TBKBP1: variants seen among roughly 807,000 people sequenced by gnomAD.
TBKBP1 encodes TANK-binding kinase 1-binding protein 1.
Under a neutral mutation model 69.9 loss-of-function variants are expected in TBKBP1, and 47 were observed. That is an observed-to-expected ratio of 0.67 (90% CI 0.53 to 0.86). TBKBP1 has a LOEUF of 0.86. Ranked by LOEUF, TBKBP1 falls within the 40% of genes least tolerant of loss-of-function variation. The pLI, the probability that TBKBP1 is intolerant of heterozygous loss-of-function variation, is 0.00. For missense variants in TBKBP1, 831 were observed against 858.6 expected (o/e 0.97, Z 0.40); for synonymous variants, 418 against 390.3 (o/e 1.07, Z -0.84).
chr17:47,699,559 G>C, intron 6 of TBKBP1, 64 bp downstream of exon 6: 1 of 1,613,560 alleles, frequency 6.2e-7, no homozygotes, highest in Non-Finnish European at 8.5e-7. Context: ...ACTGTGTGCA[G>C]ACTGGCCCAG....
In TBKBP1 at chr17:47,710,382, A is replaced by G. The variant is rs139836482; in HGVS notation, c.1720-116A>G. 8.8e-4 allele frequency: 1,223 copies of G among 1,383,636 alleles called. 6 individuals are homozygous for G. The African/African-American group carries it at 0.017, about 19-fold the overall frequency. The allele number at this position is 1,383,636 out of a possible 1,614,324, so 85.7% of individuals were successfully genotyped here. A position where few individuals can be genotyped will look rare whatever the true frequency, so the allele number is the denominator to read the frequency against. On this transcript the variant is annotated intron_variant, in intron 9 of 9. Coordinates refer to ENST00000578982, the MANE Select transcript of TBKBP1 (RefSeq NM_001394755.1). ...ACGGTGCTGAAGAAAGGGTGGCTGG[A>G]CCCCTCCTGCATGCCACAGCCCTCC...
chr17:47,708,532 G>A lies in TBKBP1; in HGVS notation c.991+20G>A, dbSNP rs776527523. 57 of 1,611,914 alleles carry A rather than the reference G, an allele frequency of 3.5e-5. No homozygotes were observed. Among genetic ancestry groups the A allele is most frequent in the Non-Finnish European group, 4.8e-5 (56 of 1,178,588 alleles). ...GTGGCGGTGAGATGGGGCAGGGCAG[G>A]GGGAGGCAGCCGCGGGACCCGGGAA... On this transcript the variant is annotated intron_variant, in intron 8 of 9. Transcript: ENST00000578982. The surrounding 1 kb of genome is among the most constrained non-coding windows in gnomAD (Gnocchi z 4.4).
intron 7 of TBKBP1, among the ~76,000 whole-genome samples, chr17:47,706,826 TAG>T (rs2031712525): frequency 1.2e-5 from 1 of 86,860 alleles, no homozygotes; most frequent in African/African-American, 4.5e-5. Flanking sequence ...GGGTTAGACT[TAG>T]ACACACACAC....
chr17:47,703,780 T>A (rs944396301), intron 7 of TBKBP1, among the ~76,000 whole-genome samples: 2 of 149,490 alleles, frequency 1.3e-5, no homozygotes, highest in African/African-American at 5.0e-5. Context: ...CTATGCGAGG[T>A]GATTTACCTA....
In TBKBP1 at chr17:47,696,754, T is replaced by A. The variant is rs2031259919; in HGVS notation, c.269T>A (p.Leu90Gln). Residue 90 changes from leucine (L) to glutamine (Q), a missense_variant, in exon 3 of 10, where the codon CTG (leucine) becomes CAG (glutamine). By Grantham distance (113) the Leu-to-Gln change is moderately radical. Transcript: ENST00000578982. ...TTTGGAGAGGAGCATGGCTTTTCTC[T>A]GTATGAAATCAAGGATGGCTCCCTG... ...SDFGEEHGFS[L>Q]YEIKDGSLLE... 2 of 1,613,986 alleles carry A rather than the reference T, an allele frequency of 1.2e-6. No homozygotes were observed. Among genetic ancestry groups the A allele is most frequent in the African/African-American group, 1.3e-5 (1 of 75,052 alleles).
At chr17:47,700,309 T>TTTTTTTTTTTTTTTTTG in intron 7 of TBKBP1, among the ~76,000 whole-genome samples, 1 of 115,816 alleles carries the variant, frequency 8.6e-6, no homozygotes, top group Admixed American at 8.5e-5. Context: ...TTTTTTTTTT[T>TTTTTTTTTTTTTTTTTG]TTTTTTTGGA....
At chr17:47,696,966 C>G (rs895101029) in intron 3 of TBKBP1, 123 bp from the exon 4 acceptor site, 2 of 1,509,536 alleles carry the variant, frequency 1.3e-6, no homozygotes, top group African/African-American at 2.8e-5. Flanking sequence ...CTAAGCCCAG[C>G]TGCAGCTCCT....
intron 7 of TBKBP1, among the ~76,000 whole-genome samples, chr17:47,700,289 CTTTT>C (rs774797034): frequency 1.1e-3 from 47 of 41,454 alleles, no homozygotes; most frequent in African/African-American, 4.3e-3. Context: ...GCGCCCGGAC[CTTTT>C]TTTTTTTTTT....
rs971581123 is a variant in TBKBP1, at chr17:47,709,007, A to C, written c.1274A>C (p.Gln425Pro). ...GTGCCCCCCAGCTGCCCGGCCCCGCAGCCCCGGCCACCGCCGCCGCCCCCG... is the reference window on the plus strand; with the variant it reads ...GTGCCCCCCAGCTGCCCGGCCCCGCCGCCCCGGCCACCGCCGCCGCCCCCG... ...SPVPPSCPAP[Q>P]PRPPPPPPPG... is the part of the protein sequence containing the mutation. Residue 425 changes from glutamine to proline, a missense_variant, in exon 9 of 10, where the codon CAG (glutamine) becomes CCG (proline). Physicochemically the swap from Gln to Pro is moderately conservative, Grantham distance 76. Transcript: ENST00000578982. 2.6e-6 allele frequency: 3 copies of C among 1,159,870 alleles called. No homozygotes were observed. The highest frequency in any genetic ancestry group is 3.3e-5 in the African/African-American group (2 of 59,824). 71.8% of individuals were successfully genotyped at this position (1,159,870 alleles called of 1,614,324 possible).
intron 9 of TBKBP1, 103 bp downstream of exon 9, chr17:47,709,555 C>A: frequency 7.3e-7 from 1 of 1,376,164 alleles, no homozygotes; most frequent in African/African-American, 1.5e-5. Flanking sequence ...CGGGTGTCAG[C>A]GCACAAACTA....
chr17:47,708,532 G>T lies in TBKBP1; in HGVS notation c.991+20G>T, dbSNP rs776527523. The T allele has an allele frequency of 2.0e-5, 32 of 1,611,914 alleles. No homozygotes were observed. The highest frequency in any genetic ancestry group is 4.0e-5 in the African/African-American group (3 of 74,868). On this transcript the variant is annotated intron_variant, in intron 8 of 9. Coordinates refer to ENST00000578982, the MANE Select transcript of TBKBP1 (RefSeq NM_001394755.1). The surrounding 1 kb of genome is among the most constrained non-coding windows in gnomAD (Gnocchi z 4.4). The stretch of plus-strand genomic sequence containing the variant: ...GTGGCGGTGAGATGGGGCAGGGCAG[G>T]GGGAGGCAGCCGCGGGACCCGGGAA...
chr17:47,698,777 T>G lies in TBKBP1; in HGVS notation c.634+2T>G. 1 of 1,551,854 alleles carries G rather than the reference T, an allele frequency of 6.4e-7. No individual in the cohort carries two copies. On this transcript the variant is annotated splice_donor_variant, in intron 5 of 9. Transcript: ENST00000578982. LOFTEE classifies it high-confidence loss of function. ...GAGGGGGATCTGGCTTGAGTCATGG[T>G]GAGATCTCAGTGACCCCGACTTACC...
In TBKBP1 at chr17:47,696,804, C is replaced by T. The variant is rs2031263241; in HGVS notation, c.319C>T (p.Gln107Ter). ...SLLEVEKVSLQQRLNQFQHEL... is the reference protein window; with the variant it reads ...SLLEVEKVSL ...GCTGGAGGTGGAGAAGGTCAGCCTG[C>T]AGCAACGGCTCAACCAGTTCCAGCA... The change falls in exon 3 of 10, where the codon CAG becomes TAG. Residue 107 changes from glutamine to a stop codon, truncating the protein, a stop_gained. Coordinates refer to ENST00000578982, the MANE Select transcript of TBKBP1 (RefSeq NM_001394755.1). LOFTEE classifies it high-confidence loss of function. 6.2e-7 allele frequency: 1 copy of T among 1,613,912 alleles called. No individual in the cohort carries two copies. Among genetic ancestry groups the T allele is most frequent in the Non-Finnish European group, 8.5e-7 (1 of 1,179,826 alleles).
intron 7 of TBKBP1, among the ~76,000 whole-genome samples, chr17:47,706,657 G>T (rs1462332843): frequency 6.6e-6 from 1 of 152,140 alleles, no homozygotes; most frequent in African/African-American, 2.4e-5. Flanking sequence ...GGCCCAAGTG[G>T]GTTAAAAATA....
intron 7 of TBKBP1, among the ~76,000 whole-genome samples, chr17:47,704,371 G>A (rs2031625988): frequency 6.6e-6 from 1 of 152,222 alleles, no homozygotes; most frequent in Admixed American, 6.5e-5. Flanking sequence ...CCTCCTCCCC[G>A]CCGGCCCGCA....
At chr17:47,698,552 G>T in intron 4 of TBKBP1, 43 bp from the exon 5 acceptor site, 1 of 1,528,132 alleles carries the variant, frequency 6.5e-7, no homozygotes, top group East Asian at 2.5e-5. Context: ...ACATGGGGAA[G>T]TCCTGGGCCT....
At chr17:47,701,344 G>GAC (rs1331387113) in intron 7 of TBKBP1, among the ~76,000 whole-genome samples, 4 of 110,520 alleles carry the variant, frequency 3.6e-5, no homozygotes, top group South Asian at 3.0e-4. Context: ...GGAACACACA[G>GAC]ACACACACAG....
Position 47,696,114 on chromosome 17 carries a change from TG to T in TBKBP1, c.4del (p.Glu2?). 6.2e-7 allele frequency: 1 copy of T among 1,608,938 alleles called. No homozygotes were observed. Among genetic ancestry groups the T allele is most frequent in the Non-Finnish European group, 8.5e-7 (1 of 1,177,946 alleles). [M>X]ESMFEDDISI... ...GTGGGCCGCGGCCCGGCCCTCACCA[TG>T]GAGTCCATGTTCGAGGACGACATCA... On this transcript the variant is annotated frameshift_variant and start_lost, in exon 2 of 10. Transcript: ENST00000578982. LOFTEE classifies it high-confidence loss of function.
At position 47,699,213 on chromosome 17, in the gene TBKBP1, C is replaced by T. The variant is rs527357191; in HGVS notation, c.635-107C>T. 1.3e-4 allele frequency: 162 copies of T among 1,258,680 alleles called. 1 individual carries two copies. In the African/African-American group the frequency reaches 2.2e-3, roughly 17 times the overall value. 78.0% of individuals were successfully genotyped at this position (1,258,680 alleles called of 1,614,324 possible). On this transcript the variant is annotated intron_variant, in intron 5 of 9. Transcript: ENST00000578982. ...AGTCATCCCTCCTTGGCTAGCTGTC[C>T]TGGCTTCTCTCTTGGAGTCCCCATG...
Sources: gnomAD v4.1 joint callset for allele counts (sites outside exome capture counted in the v4.1 genomes callset) on GRCh38, gnomAD v4.1.1 for gene constraint, Gnocchi (gnomAD v3.1) non-coding constraint, MANE v1.5 for transcripts, NCBI Gene and HGNC (gene_info 2026-07-23, HGNC 2026-07-21) for gene names.